The following MTBP variants were observed in gnomAD, a reference collection of about 807,000 sequenced individuals.
MTBP encodes the protein MDM2 binding protein.
Under a neutral mutation model 117.0 loss-of-function variants are expected in MTBP, and 101 were observed. The ratio of observed to expected loss-of-function variants is 0.86; its 90% confidence interval spans 0.73 to 1.02. The LOEUF is 1.02. Ranked by LOEUF, MTBP falls within the 50% of genes least tolerant of loss-of-function variation. The probability of loss-of-function intolerance (pLI) is 0.00; values close to 1 mark genes in which losing one functional copy is unlikely to be tolerated. For missense variants in MTBP, 970 were observed against 1,030.9 expected (o/e 0.94, Z 0.81); for synonymous variants, 350 against 351.5 (o/e 1.00, Z 0.05).
rs1814493987 is a variant in MTBP at position 120,497,511 on chromosome 8, T to G, written c.1566T>G (p.Ile522Met). The change falls in exon 14 of 22, where the codon ATT (isoleucine) becomes ATG (methionine). Residue 522 changes from isoleucine to methionine, a missense_variant. Transcript: ENST00000305949. ...DYFDAVIPKM[I>M]LRKMDKIKTF... ...TTGATGCTGTGATTCCTAAAATGAT[T>G]CTAAGAAAGATGGACAAAATTAAAA... 1.9e-6 allele frequency: 3 copies of G among 1,573,696 alleles called. No homozygotes were observed. Among genetic ancestry groups the G allele is most frequent in the African/African-American group, 1.4e-5 (1 of 73,828 alleles).
chr8:120,487,130 C>T lies in MTBP; in HGVS notation c.1166-1029C>T, dbSNP rs193062514. ...CAAGCCAAAGACACTTTGTTTTACC[C>T]TCTCCAGAGAATAAGCCTCTAATCT... On this transcript the variant is annotated intron_variant, in intron 11 of 21. Transcript: ENST00000305949. 5.1e-3 allele frequency among the ~76,000 whole-genome samples: 775 copies of T among 152,282 alleles called. 10 individuals carry two copies. The highest frequency in any genetic ancestry group is 0.018 in the African/African-American group (734 of 41,560).
In MTBP at chr8:120,516,040, C is replaced by T; in HGVS notation, c.2095C>T (p.Pro699Ser). The T allele has an allele frequency of 4.3e-6, 7 of 1,613,092 alleles. No homozygotes were observed. The highest frequency in any genetic ancestry group is 5.9e-6 in the Non-Finnish European group (7 of 1,179,276). Reference sequence around the variant, plus strand: ...CTGCACCAGAGAAAGTTTTCCAGTACCTACTGTGTTGAGCCCTCTTCCATC... The same window carrying T: ...CTGCACCAGAGAAAGTTTTCCAGTATCTACTGTGTTGAGCCCTCTTCCATC... ...TTCTRESFPV[P>S]TVLSPLPSPV... Residue 699 changes from proline to serine, a missense_variant, in exon 18 of 22, where the codon CCT (proline) becomes TCT (serine). Pro to Ser is a moderately conservative substitution (Grantham distance 74). Transcript: ENST00000305949.
At chr8:120,467,914 T>C (rs1813732425) in intron 10 of MTBP, among the ~76,000 whole-genome samples, 1 of 152,196 alleles carries the variant, frequency 6.6e-6, no homozygotes, top group African/African-American at 2.4e-5. Flanking sequence ...CCACCACATT[T>C]ATATTAGGTT....
intron 4 of MTBP, chr8:120,451,751 TG>T (rs1813351509): frequency 6.5e-6 from 1 of 154,546 alleles, no homozygotes; most frequent in South Asian, 2.0e-4. Context: ...AGCTAATTTT[TG>T]TATTTTTTTT....
At chr8:120,510,508 G>A (rs12676755) in intron 17 of MTBP, among the ~76,000 whole-genome samples, 11,732 of 152,068 alleles carry the variant, frequency 0.077, 655 homozygotes, top group East Asian at 0.19. Flanking sequence ...GATAAACTAT[G>A]GTATATTTAT....
chr8:120,446,582 A>G, intron 2 of MTBP, 69 bp downstream of exon 2: 1 of 971,422 alleles, frequency 1.0e-6, no homozygotes. Context: ...ATTAATTTGG[A>G]CCCTAAGGAG....
intron 7 of MTBP, among the ~76,000 whole-genome samples, chr8:120,458,922 T>A (rs983484555): frequency 6.6e-6 from 1 of 151,208 alleles, no homozygotes; most frequent in African/African-American, 2.4e-5. Flanking sequence ...GGAAGCCAGA[T>A]ATTGAACAAT....
At chr8:120,511,087 A>G (rs950396104) in intron 17 of MTBP, among the ~76,000 whole-genome samples, 3 of 152,160 alleles carry the variant, frequency 2.0e-5, no homozygotes, top group Non-Finnish European at 4.4e-5. Flanking sequence ...GGAGATAGCT[A>G]CTAAATTATA....
intron 16 of MTBP, 137 bp downstream of exon 16, chr8:120,506,998 T>G (rs1200913493): frequency 4.3e-6 from 3 of 691,734 alleles, no homozygotes; most frequent in Non-Finnish European, 6.9e-6. Context: ...GTTTGTCTGT[T>G]GGCCTTAATC....
At chr8:120,518,203 C>G in intron 19 of MTBP, 103 bp downstream of exon 19, 1 of 1,281,998 alleles carries the variant, frequency 7.8e-7, no homozygotes, top group Non-Finnish European at 1.1e-6. Context: ...TGAAATGAAA[C>G]GATGTCTAGA....
intron 10 of MTBP, among the ~76,000 whole-genome samples, chr8:120,466,825 G>A (rs1441495161): frequency 2.6e-5 from 4 of 152,128 alleles, no homozygotes; most frequent in African/African-American, 9.7e-5. Context: ...AATGAGCCAA[G>A]ATCACGCCAC....
chr8:120,498,869 G>T (rs932562532), intron 14 of MTBP, among the ~76,000 whole-genome samples: 1 of 152,164 alleles, frequency 6.6e-6, no homozygotes, highest in African/African-American at 2.4e-5. Context: ...ATGTGTATGG[G>T]AGATAAGGGT....
At chr8:120,459,583 T>G (rs1252264661) in intron 8 of MTBP, among the ~76,000 whole-genome samples, 1 of 152,210 alleles carries the variant, frequency 6.6e-6, no homozygotes, top group Non-Finnish European at 1.5e-5. Flanking sequence ...TGTATAGTCC[T>G]GAAACCACCT....
chr8:120,497,627 A>T (rs981586575), intron 14 of MTBP, 73 bp downstream of exon 14: 44 of 900,902 alleles, frequency 4.9e-5, no homozygotes, highest in Non-Finnish European at 6.8e-5. Context: ...TAAAACTTAT[A>T]AAATGTATTG....
At chr8:120,476,264 T>TA (rs1159369210) in intron 11 of MTBP, among the ~76,000 whole-genome samples, 2 of 152,098 alleles carry the variant, frequency 1.3e-5, no homozygotes, top group Non-Finnish European at 1.5e-5. Context: ...CTCAAAATAA[T>TA]AAGAGCTATT....
Position 120,450,989 on chromosome 8 carries a change from GT to G in MTBP, c.200-10del, listed in dbSNP as rs774934103. ...GGTATGCCTTTTTAATAATAATGTG[GT>G]TTTATTTTCAAGCCTGTTCAGTGGG... On this transcript the variant is annotated splice_polypyrimidine_tract_variant and intron_variant, in intron 2 of 21. Coordinates refer to ENST00000305949, the MANE Select transcript of MTBP (RefSeq NM_022045.5). 10 of 1,600,688 alleles carry G rather than the reference GT, an allele frequency of 6.2e-6. No individual in the cohort carries two copies. Among genetic ancestry groups the G allele is most frequent in the Non-Finnish European group, 8.5e-6 (10 of 1,172,462 alleles).
intron 16 of MTBP, 128 bp downstream of exon 16, chr8:120,506,989 T>C: frequency 1.4e-6 from 1 of 737,624 alleles, no homozygotes; most frequent in Non-Finnish European, 2.1e-6. Flanking sequence ...GATCCCAATG[T>C]TTGTCTGTTG....
intron 5 of MTBP, among the ~76,000 whole-genome samples, chr8:120,454,264 T>C (rs773013047): frequency 2.6e-5 from 4 of 152,120 alleles, no homozygotes; most frequent in Non-Finnish European, 4.4e-5. Flanking sequence ...AAGGAGATTA[T>C]TTAGCCTTGA....
At chr8:120,459,891 C>T (rs1032071137) in intron 8 of MTBP, among the ~76,000 whole-genome samples, 1 of 152,054 alleles carries the variant, frequency 6.6e-6, no homozygotes, top group Non-Finnish European at 1.5e-5. Context: ...TGCCCTGTAT[C>T]TCCTATACAT....
Sources: allele counts gnomAD v4.1 joint callset (sites outside exome capture counted in the v4.1 genomes callset), GRCh38; gene constraint gnomAD v4.1.1; transcripts MANE v1.5; gene names NCBI Gene and HGNC (gene_info 2026-07-23, HGNC 2026-07-21).